The following CMSS1 variants were observed in gnomAD, a reference collection of about 807,000 sequenced individuals.
CMSS1 encodes the protein cms1 ribosomal small subunit homolog.
In CMSS1, 33 loss-of-function variants were observed where a neutral mutation model predicts 43.5. That is an observed-to-expected ratio of 0.76 (90% CI 0.57 to 1.01). CMSS1 has a LOEUF of 1.01. CMSS1 is among the 50% of genes least tolerant of loss of function. The probability of loss-of-function intolerance (pLI) is 0.00; values close to 1 mark genes in which losing one functional copy is unlikely to be tolerated. For missense variants in CMSS1, 313 were observed against 326.4 expected (o/e 0.96, Z 0.32); for synonymous variants, 115 against 117.2 (o/e 0.98, Z 0.12).
intron 1 of CMSS1, among the ~76,000 whole-genome samples, chr3:100,053,950 C>A (rs2065418539): frequency 6.6e-6 from 1 of 152,188 alleles, no homozygotes; most frequent in African/African-American, 2.4e-5. Flanking sequence ...GACTCTGGCC[C>A]ACACTTCTTC....
At chr3:99,934,109 T>TC (rs1576583706) in intron 1 of CMSS1, among the ~76,000 whole-genome samples, 1 of 152,194 alleles carries the variant, frequency 6.6e-6, no homozygotes, top group Non-Finnish European at 1.5e-5. Flanking sequence ...AGACCAGGCT[T>TC]CCCCACATGG....
rs1292880121 is a variant in CMSS1, at chr3:99,848,098, G to T, written c.64+30055G>T. The T allele has an allele frequency of 2.8e-6, 4 of 1,418,076 alleles. No homozygotes were observed. The East Asian group carries it at 7.6e-5, about 27-fold the overall frequency. 87.8% of individuals were successfully genotyped at this position (1,418,076 alleles called of 1,614,324 possible). Reference sequence around the variant, plus strand: ...GTAAATGAAAAGATATACAGTAAGTGCACACTCGATATGACTATGCAGGCA... The same window carrying T: ...GTAAATGAAAAGATATACAGTAAGTTCACACTCGATATGACTATGCAGGCA... On this transcript the variant is annotated intron_variant, in intron 1 of 9. Transcript: ENST00000421999.
chr3:100,138,171 C>G (rs2066771871), intron 1 of CMSS1, among the ~76,000 whole-genome samples: 1 of 152,192 alleles, frequency 6.6e-6, no homozygotes, highest in South Asian at 2.1e-4. Context: ...CCCTTCCTTA[C>G]AACTTATACA....
chr3:99,908,406 A>G (rs1353301445), intron 1 of CMSS1, among the ~76,000 whole-genome samples: 2 of 152,210 alleles, frequency 1.3e-5, no homozygotes, highest in African/African-American at 2.4e-5. Flanking sequence ...AAATACCATT[A>G]TGTTCCTATC....
chr3:99,917,891 A>C (rs981605448), intron 1 of CMSS1, among the ~76,000 whole-genome samples: 1 of 152,224 alleles, frequency 6.6e-6, no homozygotes, highest in Admixed American at 6.5e-5. Flanking sequence ...GTTCATGACA[A>C]TCACATAATC....
chr3:100,081,494 A>G (rs1468635038), intron 1 of CMSS1, among the ~76,000 whole-genome samples: 2 of 152,152 alleles, frequency 1.3e-5, no homozygotes, highest in Non-Finnish European at 2.9e-5. Context: ...TTCCATGTAT[A>G]CTTATGTAGA....
chr3:100,017,090 T>C (rs1230715318), intron 1 of CMSS1, among the ~76,000 whole-genome samples: 2 of 152,248 alleles, frequency 1.3e-5, no homozygotes, highest in Non-Finnish European at 2.9e-5. Flanking sequence ...CTATAGCACC[T>C]CATTTTGATA....
At chr3:99,848,582 A>G (rs1307762138) in intron 1 of CMSS1, 2 of 1,614,168 alleles carry the variant, frequency 1.2e-6, no homozygotes, top group Non-Finnish European at 1.7e-6. Context: ...GAGACTCTGA[A>G]TATCGCATGC....
At chr3:100,081,287 C>G (rs2065928133) in intron 1 of CMSS1, among the ~76,000 whole-genome samples, 2 of 152,068 alleles carry the variant, frequency 1.3e-5, no homozygotes, top group African/African-American at 2.4e-5. Flanking sequence ...AAATGGAGAA[C>G]AAATCACCTT....
intron 1 of CMSS1, among the ~76,000 whole-genome samples, chr3:100,031,630 T>G (rs918657137): frequency 6.6e-6 from 1 of 152,094 alleles, no homozygotes; most frequent in Non-Finnish European, 1.5e-5. Context: ...TCTTTTTTTT[T>G]AACTAACGCA....
At chr3:100,029,433 A>G (rs555605225) in intron 1 of CMSS1, among the ~76,000 whole-genome samples, 36 of 152,280 alleles carry the variant, frequency 2.4e-4, no homozygotes, top group South Asian at 2.3e-3. Flanking sequence ...CTAAATAGTC[A>G]TTCATTTTAC....
intron 4 of CMSS1, 43 bp downstream of exon 4, chr3:100,162,475 A>T (rs367705811): frequency 6.3e-7 from 1 of 1,590,896 alleles, no homozygotes. Flanking sequence ...GGAGCAAAAC[A>T]TAAGTATCTG....
At chr3:100,041,425 T>C (rs2065203430) in intron 1 of CMSS1, 1 of 152,200 alleles carries the variant, frequency 6.6e-6, no homozygotes, top group South Asian at 2.1e-4. Context: ...CTTTCCACAC[T>C]GAGCTTTTTC....
intron 1 of CMSS1, among the ~76,000 whole-genome samples, chr3:100,100,555 A>G (rs1408008629): frequency 6.6e-6 from 1 of 152,312 alleles, no homozygotes; most frequent in East Asian, 1.9e-4. Flanking sequence ...ATGGTTCTAC[A>G]TGTCTTCAGA....
chr3:99,932,619 A>G (rs1245502453), intron 1 of CMSS1, among the ~76,000 whole-genome samples: 1 of 152,202 alleles, frequency 6.6e-6, no homozygotes, highest in African/African-American at 2.4e-5. Context: ...GCCAGGCACA[A>G]TGGCTCACAC....
intron 1 of CMSS1, among the ~76,000 whole-genome samples, chr3:99,904,760 C>G (rs1443164429): frequency 1.3e-5 from 2 of 152,164 alleles, no homozygotes; most frequent in African/African-American, 4.8e-5. Context: ...AGACTTCGTT[C>G]TATCCATCCT....
At chr3:100,010,473 T>A (rs1710112409) in intron 1 of CMSS1, among the ~76,000 whole-genome samples, 4 of 152,146 alleles carry the variant, frequency 2.6e-5, no homozygotes, top group Admixed American at 2.6e-4. Context: ...TAATGGTATT[T>A]AGAAAGGACC....
intron 1 of CMSS1, among the ~76,000 whole-genome samples, chr3:99,915,078 C>T (rs1200706248): frequency 2.0e-5 from 3 of 152,248 alleles, no homozygotes; most frequent in Non-Finnish European, 2.9e-5. Context: ...ATGATAAGGG[C>T]ACCATATGCT....
intron 1 of CMSS1, among the ~76,000 whole-genome samples, chr3:99,994,819 A>T (rs150246297): frequency 6.6e-6 from 1 of 152,302 alleles, no homozygotes; most frequent in South Asian, 2.1e-4. Flanking sequence ...TGATAAAACC[A>T]TCAGATCTCA....
Sources: allele counts gnomAD v4.1 joint callset (sites outside exome capture counted in the v4.1 genomes callset), GRCh38; gene constraint gnomAD v4.1.1; transcripts MANE v1.5; gene names NCBI Gene and HGNC (gene_info 2026-07-23, HGNC 2026-07-21).